The following SHLD2 variants were observed in gnomAD, a reference collection of about 807,000 sequenced individuals.
The protein encoded by SHLD2 is RINN1-REV7-interacting novel NHEJ regulator 2.
Under a neutral mutation model 73.2 loss-of-function variants are expected in SHLD2, and 30 were observed. The observed-to-expected ratio is 0.41, with a 90% CI of 0.31 to 0.56. The LOEUF is 0.56. SHLD2 is among the 20% of genes least tolerant of loss of function. SHLD2 has a pLI of 0.28. For synonymous variants in SHLD2, 285 were observed against 370.1 expected (o/e 0.77, Z 2.64); for missense variants, 745 against 1,055.9 (o/e 0.71, Z 4.08).
In SHLD2 at chr10:87,141,458, C is replaced by CA. The variant is rs530190126; in HGVS notation, c.-5-9891dup. On this transcript the variant is annotated intron_variant, in intron 2 of 9. Coordinates refer to ENST00000298786, the MANE Select transcript of SHLD2 (RefSeq NM_001330112.2). ...TGGATTCAAGATGATTCTTTTCCCT[C>CA]AGCCTCCCAAGTAGCTGGGATTACA... Among the ~76,000 whole-genome samples, 314 of 151,698 alleles carry CA rather than the reference C, an allele frequency of 2.1e-3. 1 individual carries two copies. The highest frequency in any genetic ancestry group is 7.2e-3 in the African/African-American group (300 of 41,382).
At chr10:87,141,700 CT>C (rs1358835664) in intron 2 of SHLD2, among the ~76,000 whole-genome samples, 1 of 152,076 alleles carries the variant, frequency 6.6e-6, no homozygotes. Context: ...ACTAACTGCT[CT>C]GATTGGATCA....
intron 2 of SHLD2, among the ~76,000 whole-genome samples, chr10:87,140,273 A>T (rs1306531825): frequency 1.3e-5 from 2 of 151,818 alleles, no homozygotes; most frequent in African/African-American, 4.8e-5. Flanking sequence ...TACAAAAATT[A>T]GCTGGGCTTG....
chr10:87,184,069 ACT>A (rs896992690), intron 8 of SHLD2, among the ~76,000 whole-genome samples: 1 of 151,518 alleles, frequency 6.6e-6, no homozygotes, highest in Non-Finnish European at 1.5e-5. Flanking sequence ...CCCACAATAG[ACT>A]CTTGTTTTTC....
rs1335172305 is a variant in SHLD2 at position 87,156,356 on chromosome 10, C to T, written c.1526-1692C>T. Among the ~76,000 whole-genome samples, 3 of 152,222 alleles carry T rather than the reference C, an allele frequency of 2.0e-5. No homozygotes were observed. In the East Asian group the frequency reaches 5.8e-4, roughly 29 times the overall value. The stretch of plus-strand genomic sequence containing the variant: ...CTGGGATTACAGGCGTGAGCCATCG[C>T]GCCCGGCCCAAACTGAAAAATTTTA... On this transcript the variant is annotated intron_variant, in intron 3 of 9. Transcript: ENST00000298786.
At chr10:87,147,630 G>A (rs1178616327) in intron 2 of SHLD2, among the ~76,000 whole-genome samples, 2 of 151,900 alleles carry the variant, frequency 1.3e-5, no homozygotes, top group South Asian at 2.1e-4. Context: ...CTTGGGTAAG[G>A]CAATTAGGGC....
intron 6 of SHLD2, among the ~76,000 whole-genome samples, chr10:87,175,494 A>C (rs540322210): frequency 1.3e-5 from 2 of 151,352 alleles, no homozygotes; most frequent in Admixed American, 6.6e-5. Context: ...GACCAGCCTG[A>C]CCAACATGGT....
chr10:87,122,347 A>G (rs1454461893), intron 2 of SHLD2, among the ~76,000 whole-genome samples: 1 of 152,190 alleles, frequency 6.6e-6, no homozygotes, highest in Non-Finnish European at 1.5e-5. Context: ...AATATTGGCA[A>G]GCTAAATTTA....
At position 87,180,437 on chromosome 10, in the gene SHLD2, A is replaced by C. The variant is rs1231811096; in HGVS notation, c.2399+134A>C. The C allele has an allele frequency of 4.3e-5, 52 of 1,197,412 alleles. 1 individual carries two copies. The South Asian group carries it at 7.4e-4, about 17-fold the overall frequency. 74.2% of individuals were successfully genotyped at this position (1,197,412 alleles called of 1,614,324 possible). A position where few individuals can be genotyped will look rare whatever the true frequency, so the allele number is the denominator to read the frequency against. ...GAGAATAAAATTTTCCGAGTGATAG[A>C]TAGCTATTTATGGAAGCAAAAATTA... On this transcript the variant is annotated intron_variant, in intron 8 of 9. Coordinates refer to ENST00000298786, the MANE Select transcript of SHLD2 (RefSeq NM_001330112.2).
In SHLD2 at chr10:87,187,181, C is replaced by G. The variant is rs1479930226; in HGVS notation, c.2496C>G (p.Asp832Glu). The change falls in exon 9 of 10, where the codon GAC (aspartate) becomes GAG (glutamate). Residue 832 changes from aspartate (D) to glutamate (E), a missense_variant. Around this residue, in one of 5 missense-constraint regions of SHLD2, gnomAD observed 418 missense variants for 567.8 expected, o/e 0.74. Transcript: ENST00000298786. Reference protein sequence around the residue: ...IEKILLNISADCLNRVIVPSS... With the variant: ...IEKILLNISAECLNRVIVPSS... ...AGATTCTTCTCAACATTTCTGCAGACTGCCTCAACAGAGTGATAGGTAATA... is the reference window on the plus strand; with the variant it reads ...AGATTCTTCTCAACATTTCTGCAGAGTGCCTCAACAGAGTGATAGGTAATA... 1 of 1,604,404 alleles carries G rather than the reference C, an allele frequency of 6.2e-7. No homozygotes were observed. The highest frequency in any genetic ancestry group is 1.1e-5 in the South Asian group (1 of 90,876).
intron 2 of SHLD2, among the ~76,000 whole-genome samples, chr10:87,128,090 A>G (rs1455389340): frequency 6.6e-6 from 1 of 152,138 alleles, no homozygotes. Flanking sequence ...CAAATGTTAT[A>G]CAGTTTAATG....
At chr10:87,109,887 G>A (rs1005037512) in intron 2 of SHLD2, among the ~76,000 whole-genome samples, 4 of 152,048 alleles carry the variant, frequency 2.6e-5, no homozygotes, top group African/African-American at 9.7e-5. Flanking sequence ...TGGTTCTGAG[G>A]ATTAATTTTA....
intron 2 of SHLD2, among the ~76,000 whole-genome samples, chr10:87,136,218 C>A (rs1177363836): frequency 6.6e-6 from 1 of 152,036 alleles, no homozygotes; most frequent in Non-Finnish European, 1.5e-5. Context: ...GGAGCTCTTT[C>A]AGTTGGTATG....
intron 2 of SHLD2, among the ~76,000 whole-genome samples, chr10:87,120,974 C>T (rs1843577540): frequency 6.6e-6 from 1 of 151,872 alleles, no homozygotes; most frequent in Non-Finnish European, 1.5e-5. Flanking sequence ...TGCTTGAACC[C>T]GGGAGGCAGA....
At chr10:87,189,780 A>T (rs1043003725) in intron 9 of SHLD2, among the ~76,000 whole-genome samples, 2 of 152,106 alleles carry the variant, frequency 1.3e-5, no homozygotes, top group African/African-American at 4.8e-5. Context: ...ACATTTAGCT[A>T]TACTTTTAGT....
intron 4 of SHLD2, among the ~76,000 whole-genome samples, chr10:87,169,567 C>G (rs948063361): frequency 1.3e-5 from 2 of 152,198 alleles, no homozygotes; most frequent in African/African-American, 4.8e-5. Context: ...AAACACAAAT[C>G]AGTTTATGGA....
rs554015378 is a variant in SHLD2, at chr10:87,189,118, C to G, written c.2516-1366C>G. On this transcript the variant is annotated intron_variant, in intron 9 of 9. Coordinates refer to ENST00000298786, the MANE Select transcript of SHLD2 (RefSeq NM_001330112.2). ...CTGGATTCAAGCAAGTCTCCTGCCT[C>G]AGTTTCGCAAGTAGCTGGGATTACA... Among the ~76,000 whole-genome samples the G allele has an allele frequency of 2.6e-5, 4 of 151,824 alleles. No homozygotes were observed. The South Asian group carries it at 8.3e-4, about 31-fold the overall frequency.
intron 4 of SHLD2, among the ~76,000 whole-genome samples, chr10:87,162,774 A>G (rs1389575027): frequency 1.3e-5 from 2 of 152,210 alleles, no homozygotes; most frequent in African/African-American, 4.8e-5. Context: ...TTAAAACTAC[A>G]TGGAGATACC....
chr10:87,156,536 G>A (rs1846443042), intron 3 of SHLD2, among the ~76,000 whole-genome samples: 1 of 152,116 alleles, frequency 6.6e-6, no homozygotes, highest in South Asian at 2.1e-4. Flanking sequence ...CTTAACATTG[G>A]GAAACAACAG....
At chr10:87,143,862 CTTT>C (rs61651864) in intron 2 of SHLD2, among the ~76,000 whole-genome samples, 3 of 104,750 alleles carry the variant, frequency 2.9e-5, no homozygotes, top group Admixed American at 1.1e-4. Flanking sequence ...TTTATTCTTT[CTTT>C]TTTTTTTTTT....
Sources: allele counts gnomAD v4.1 joint callset (sites outside exome capture counted in the v4.1 genomes callset), GRCh38; gene constraint gnomAD v4.1.1; regional missense constraint gnomAD v4.1.1; transcripts MANE v1.5; gene names NCBI Gene and HGNC (gene_info 2026-07-23, HGNC 2026-07-21).